The following LAMA1 variants were observed in gnomAD, a reference collection of about 807,000 sequenced individuals.
The protein encoded by LAMA1 is laminin subunit alpha-1.
A neutral mutation model predicts 348.7 loss-of-function variants in LAMA1; 219 were observed. That is an observed-to-expected ratio of 0.63 (90% CI 0.56 to 0.70). The LOEUF (loss-of-function observed/expected upper bound fraction) is 0.70, where lower values mean the gene tolerates loss of function less well. Ranked by LOEUF, LAMA1 falls within the 30% of genes least tolerant of loss-of-function variation. The pLI is 0.00. For missense variants in LAMA1, 3,744 were observed against 3,888.0 expected, an observed-to-expected ratio of 0.96 and a Z score of 0.99; for synonymous variants, 1,487 against 1,491.0, an observed-to-expected ratio of 1.00 and a Z score of 0.06.
intron 24 of LAMA1, 135 bp downstream of exon 24, chr18:7,011,860 C>G (rs1310738217): frequency 2.8e-6 from 3 of 1,086,816 alleles, no homozygotes; most frequent in Non-Finnish European, 4.0e-6. Flanking sequence ...CTGTTCTAAC[C>G]CAAATTAGCT....
chr18:7,115,860 T>G (rs1048501929), intron 1 of LAMA1, among the ~76,000 whole-genome samples: 14 of 147,172 alleles, frequency 9.5e-5, no homozygotes, highest in Non-Finnish European at 3.0e-5. Flanking sequence ...CACGCGCCTG[T>G]AGTCCCAGCT....
chr18:6,967,848 T>G (rs538960671), intron 48 of LAMA1, among the ~76,000 whole-genome samples: 2 of 151,846 alleles, frequency 1.3e-5, no homozygotes, highest in Non-Finnish European at 2.9e-5. Context: ...TCCCAGAGCC[T>G]GTGAGCCCTC....
chr18:7,024,365 G>A lies in LAMA1; in HGVS notation c.2489+15C>T. 6.2e-7 allele frequency: 1 copy of A among 1,604,932 alleles called. No individual in the cohort carries two copies. The highest frequency in any genetic ancestry group is 8.5e-7 in the Non-Finnish European group (1 of 1,171,930). ...TAATTTCGAAAATGTGTTGAAGCCA[G>A]TGGATGCAGAGTACCTCTCACACCA... On this transcript the variant is annotated intron_variant, in intron 18 of 62. Transcript: ENST00000389658.
chr18:7,043,311 T>C lies in LAMA1; in HGVS notation c.1071A>G (p.Gly357=). 1 of 1,614,108 alleles carries C rather than the reference T, an allele frequency of 6.2e-7. No homozygotes were observed. The highest frequency in any genetic ancestry group is 8.5e-7 in the Non-Finnish European group (1 of 1,179,996). ...KSLNTAGQFR[G]GGVCINCLQN... ...GCAAGCAATTTATGCAAACCCCTCC[T>C]CCTCTGAACTGTCCAGCAGTATTCA... Residue 357 remains glycine (G), a synonymous_variant, in exon 8 of 63, where the codon GGA becomes GGG. Coordinates refer to ENST00000389658, the MANE Select transcript of LAMA1 (RefSeq NM_005559.4).
In LAMA1 at chr18:7,035,998, C is replaced by A; in HGVS notation, c.1828G>T (p.Val610Phe). The A allele has an allele frequency of 6.2e-7, 1 of 1,613,336 alleles. No individual in the cohort carries two copies. Among genetic ancestry groups the A allele is most frequent in the Non-Finnish European group, 8.5e-7 (1 of 1,179,244 alleles). Reference sequence around the variant, plus strand: ...GCAAAAACAATCACCTTAATGATGACGTCAGCATGCGACATGAGGTTACTG... The same window carrying A: ...GCAAAAACAATCACCTTAATGATGAAGTCAGCATGCGACATGAGGTTACTG... ...VDSNLMSHAD[V>F]IIKGNGLTLS... The change falls in exon 13 of 63, where the codon GTC (valine) becomes TTC (phenylalanine). Residue 610 changes from valine to phenylalanine, a missense_variant. By Grantham distance (50) the Val-to-Phe change is conservative. Around this residue, in one of 3 missense-constraint regions of LAMA1, gnomAD observed 1,529 missense variants for 1,689.4 expected, o/e 0.91. Transcript: ENST00000389658.
chr18:7,110,810 G>A lies in LAMA1; in HGVS notation c.61+6850C>T, dbSNP rs2058332459. ...CACGCCAGCCTGGGCAACAGAGTGA[G>A]ACTCCATGTCAAAGGAAAAAACAAA... On this transcript the variant is annotated intron_variant, in intron 1 of 62. Coordinates refer to ENST00000389658, the MANE Select transcript of LAMA1 (RefSeq NM_005559.4). 5.3e-5 allele frequency among the ~76,000 whole-genome samples: 8 copies of A among 151,990 alleles called. No individual in the cohort carries two copies. The South Asian group carries it at 1.7e-3, about 32-fold the overall frequency.
At chr18:7,075,125 T>TTACA in intron 3 of LAMA1, among the ~76,000 whole-genome samples, 1 of 152,092 alleles carries the variant, frequency 6.6e-6, no homozygotes, top group Middle Eastern at 3.2e-3. Context: ...ATTTACCAAG[T>TTACA]TACACAAACA....
chr18:7,025,103 G>A (rs193165001), intron 17 of LAMA1, among the ~76,000 whole-genome samples: 65 of 152,304 alleles, frequency 4.3e-4, no homozygotes, highest in Admixed American at 7.8e-4. Flanking sequence ...GGTGAAGGAA[G>A]AGTTCTAAAG....
intron 44 of LAMA1, among the ~76,000 whole-genome samples, chr18:6,976,971 T>G (rs1006752397): frequency 1.3e-5 from 2 of 152,200 alleles, no homozygotes; most frequent in African/African-American, 4.8e-5. Flanking sequence ...AAACCAACAT[T>G]CCTTTTCCAA....
intron 48 of LAMA1, among the ~76,000 whole-genome samples, chr18:6,969,129 C>T (rs1435266559): frequency 6.6e-6 from 1 of 152,018 alleles, no homozygotes; most frequent in Non-Finnish European, 1.5e-5. Flanking sequence ...GAGGCAGATG[C>T]AACTCCAGAT....
intron 30 of LAMA1, among the ~76,000 whole-genome samples, chr18:7,000,759 G>A (rs188491810): frequency 5.9e-5 from 9 of 152,268 alleles, no homozygotes; most frequent in Admixed American, 3.9e-4. Flanking sequence ...GCCAAGTCTG[G>A]TTCCTTTTCG....
Position 6,992,619 on chromosome 18 carries a change from C to G in LAMA1, c.5110G>C (p.Glu1704Gln). 2 of 1,614,172 alleles carry G rather than the reference C, an allele frequency of 1.2e-6. No individual in the cohort carries two copies. Among genetic ancestry groups the G allele is most frequent in the Non-Finnish European group, 1.7e-6 (2 of 1,180,010 alleles). ...NMQQNGTSLL[E>Q]IMQIRDFTQL... ...GTGAAGTCTCTTATCTGCATGATTT[C>G]TAGCAAAGATGTACCATTCTGTTGC... Residue 1704 changes from glutamate to glutamine, a missense_variant, in exon 36 of 63, where the codon GAA becomes CAA. Glu to Gln is a conservative substitution (Grantham distance 29). Coordinates refer to ENST00000389658, the MANE Select transcript of LAMA1 (RefSeq NM_005559.4).
At chr18:6,954,949 GGTGTGGCAC>G in intron 57 of LAMA1, 63 of 325,172 alleles carry the variant, frequency 1.9e-4, no homozygotes, top group Admixed American at 4.9e-4. Context: ...GAGAGGGGTG[GGTGTGGCAC>G]TCGGGATTTT....
chr18:6,944,866 T>A (rs1423116024), intron 61 of LAMA1, among the ~76,000 whole-genome samples: 1 of 152,186 alleles, frequency 6.6e-6, no homozygotes, highest in Non-Finnish European at 1.5e-5. Context: ...TATATGAAAC[T>A]GCTCAGTATT....
At chr18:7,031,350 C>T (rs1377003339) in intron 16 of LAMA1, among the ~76,000 whole-genome samples, 1 of 152,140 alleles carries the variant, frequency 6.6e-6, no homozygotes, top group Non-Finnish European at 1.5e-5. Flanking sequence ...TCTTGCCCCA[C>T]ACCTGCCCCA....
At chr18:7,042,483 A>G (rs182137184) in intron 8 of LAMA1, 1 of 480,636 alleles carries the variant, frequency 2.1e-6, no homozygotes, top group East Asian at 4.0e-5. Context: ...ATCTTTTTCT[A>G]TTATCCCTGC....
intron 42 of LAMA1, among the ~76,000 whole-genome samples, chr18:6,979,799 T>A (rs2057701553): frequency 6.6e-6 from 1 of 151,954 alleles, no homozygotes; most frequent in South Asian, 2.1e-4. Flanking sequence ...CTCGGGAGGC[T>A]GAGGCAGGAG....
chr18:7,095,985 T>G (rs1360926567), intron 1 of LAMA1, among the ~76,000 whole-genome samples: 1 of 152,236 alleles, frequency 6.6e-6, no homozygotes, highest in African/African-American at 2.4e-5. Flanking sequence ...GGGGAATCGC[T>G]TGAACCTAGG....
intron 1 of LAMA1, among the ~76,000 whole-genome samples, chr18:7,086,741 G>A (rs766845160): frequency 4.6e-5 from 7 of 152,144 alleles, no homozygotes; most frequent in Non-Finnish European, 7.3e-5. Flanking sequence ...CCACACAGGC[G>A]CACGGGACCG....
Sources: gnomAD v4.1 joint callset for allele counts (sites outside exome capture counted in the v4.1 genomes callset) on GRCh38, gnomAD v4.1.1 for gene constraint, gnomAD v4.1.1 regional missense constraint, MANE v1.5 for transcripts, NCBI Gene and HGNC (gene_info 2026-07-23, HGNC 2026-07-21) for gene names.